Variants in DGKI observed in about 807,000 individuals in gnomAD.
DGKI encodes diacylglycerol kinase iota.
A neutral mutation model predicts 147.5 loss-of-function variants in DGKI; 55 were observed. The observed-to-expected ratio is 0.37, with a 90% CI of 0.30 to 0.47. The LOEUF is 0.47. Ranked by LOEUF, DGKI falls within the 20% of genes least tolerant of loss-of-function variation. The pLI is 1.00. For synonymous variants in DGKI, 469 were observed against 477.1 expected (o/e 0.98, Z 0.22); for missense variants, 1,007 against 1,323.8 (o/e 0.76, Z 3.71).
At chr7:137,839,441 C>A (rs1230995392) in intron 1 of DGKI, among the ~76,000 whole-genome samples, 1 of 152,178 alleles carries the variant, frequency 6.6e-6, no homozygotes, top group Non-Finnish European at 1.5e-5. Context: ...TGTTCCTTAA[C>A]TGGACTTGAG....
intron 28 of DGKI, among the ~76,000 whole-genome samples, chr7:137,419,390 C>A (rs1227230577): frequency 6.6e-6 from 1 of 152,158 alleles, no homozygotes; most frequent in East Asian, 1.9e-4. Flanking sequence ...ATAACTTATA[C>A]CATAGCTGCC....
Position 137,606,772 on chromosome 7 carries a change from A to C in DGKI, c.1167+2194T>G, listed in dbSNP as rs149361988. ...AGACGTGATTCCATAGGATCATTCT[A>C]ATCTTTAATCACATTTCCAATAACT... On this transcript the variant is annotated intron_variant, in intron 10 of 32. Transcript: ENST00000614521. Among the ~76,000 whole-genome samples the C allele has an allele frequency of 3.3e-3, 503 of 152,308 alleles. 3 individuals carry two copies. Among genetic ancestry groups the C allele is most frequent in the Non-Finnish European group, 4.5e-3 (308 of 68,030 alleles).
chr7:137,754,000 A>T (rs887127381), intron 1 of DGKI, among the ~76,000 whole-genome samples: 7 of 152,066 alleles, frequency 4.6e-5, no homozygotes, highest in African/African-American at 1.2e-4. Context: ...GGAGAAGAAG[A>T]AGTAGTAGTT....
At chr7:137,669,058 G>A (rs148990538) in intron 3 of DGKI, among the ~76,000 whole-genome samples, 26 of 152,280 alleles carry the variant, frequency 1.7e-4, no homozygotes, top group African/African-American at 5.8e-4. Flanking sequence ...TAGGCTTAAC[G>A]AGGTTAAAAC....
chr7:137,448,387 AGAG>A (rs1813797093), intron 27 of DGKI, among the ~76,000 whole-genome samples: 1 of 151,702 alleles, frequency 6.6e-6, no homozygotes, highest in African/African-American at 2.4e-5. Flanking sequence ...CAAAAATACC[AGAG>A]GAGAACACAA....
intron 8 of DGKI, among the ~76,000 whole-genome samples, chr7:137,619,361 A>T (rs1820660739): frequency 6.6e-6 from 1 of 152,206 alleles, no homozygotes; most frequent in Admixed American, 6.5e-5. Context: ...AGGCCTGTGT[A>T]TTCAGGAAGG....
At chr7:137,694,873 G>A (rs957153881) in intron 1 of DGKI, among the ~76,000 whole-genome samples, 2 of 152,166 alleles carry the variant, frequency 1.3e-5, no homozygotes, top group Admixed American at 1.3e-4. Flanking sequence ...TCTGATTTAT[G>A]TCAGGGAACA....
At chr7:137,750,588 A>G (rs1795465750) in intron 1 of DGKI, among the ~76,000 whole-genome samples, 1 of 152,132 alleles carries the variant, frequency 6.6e-6, no homozygotes, top group South Asian at 2.1e-4. Context: ...TCTCTCAAAA[A>G]AATTCCTGCT....
chr7:137,804,902 T>A (rs956610398), intron 1 of DGKI, among the ~76,000 whole-genome samples: 9 of 152,230 alleles, frequency 5.9e-5, no homozygotes, highest in East Asian at 5.8e-4. Flanking sequence ...CTTTTTTATG[T>A]TCAACTCAAA....
At chr7:137,844,002 T>C (rs1798636348) in intron 1 of DGKI, among the ~76,000 whole-genome samples, 2 of 152,090 alleles carry the variant, frequency 1.3e-5, no homozygotes, top group Non-Finnish European at 2.9e-5. Flanking sequence ...CTCCTCTCCA[T>C]AAGCTCCCAC....
chr7:137,752,344 G>A (rs761757365), intron 1 of DGKI, among the ~76,000 whole-genome samples: 2 of 151,988 alleles, frequency 1.3e-5, no homozygotes, highest in African/African-American at 2.4e-5. Flanking sequence ...AGTCTACAAA[G>A]AGGGAAAAGG....
At chr7:137,836,992 G>A (rs766609126) in intron 1 of DGKI, among the ~76,000 whole-genome samples, 4 of 152,176 alleles carry the variant, frequency 2.6e-5, no homozygotes, top group Non-Finnish European at 5.9e-5. Flanking sequence ...CACACAGAGA[G>A]GGTAATGGGA....
At chr7:137,845,134 G>A (rs939124409) in intron 1 of DGKI, among the ~76,000 whole-genome samples, 1 of 152,200 alleles carries the variant, frequency 6.6e-6, no homozygotes, top group Non-Finnish European at 1.5e-5. Flanking sequence ...CTCCCTCAGC[G>A]CACAGCGAAC....
chr7:137,827,801 T>C (rs1798103811), intron 1 of DGKI, among the ~76,000 whole-genome samples: 2 of 152,252 alleles, frequency 1.3e-5, no homozygotes, highest in Non-Finnish European at 1.5e-5. Context: ...ATGATCTACT[T>C]TGAGAGCTTT....
At chr7:137,441,545 A>G (rs1813509242) in intron 28 of DGKI, among the ~76,000 whole-genome samples, 1 of 152,298 alleles carries the variant, frequency 6.6e-6, no homozygotes, top group Admixed American at 6.5e-5. Context: ...GGAAAAGAAA[A>G]CAAACAAGAT....
rs565840671 is a variant in DGKI, at chr7:137,382,227, A to G, written c.*8993T>C. On this transcript the variant is annotated 3_prime_UTR_variant, in exon 33 of 33. Transcript: ENST00000614521. ...AAGAGTAAAGACAATTTGTAAACAT[A>G]TATCTATCATTTTTAAGAGGAAAAT... 6.6e-6 allele frequency: 1 copy of G among 152,124 alleles called. No homozygotes were observed. Among genetic ancestry groups the G allele is most frequent in the Non-Finnish European group, 1.5e-5 (1 of 67,998 alleles). The allele number at this position is 152,124 out of a possible 1,614,324, so 9.4% of individuals were successfully genotyped here.
intron 19 of DGKI, among the ~76,000 whole-genome samples, chr7:137,559,148 T>C (rs1185245916): frequency 2.4e-5 from 3 of 126,780 alleles, no homozygotes; most frequent in African/African-American, 9.3e-5. Flanking sequence ...CTCGGCTCAC[T>C]GCAAGCTCCG....
At position 137,815,296 on chromosome 7, in the gene DGKI, T is replaced by C. The variant is rs143729471; in HGVS notation, c.401+31166A>G. On this transcript the variant is annotated intron_variant, in intron 1 of 32. Coordinates refer to ENST00000614521, the MANE Select transcript of DGKI (RefSeq NM_001321708.2). ...CCATATGTGAAGCCAACATGGCTGG[T>C]CATTCTCAGAAAATCATCTTATTTG... 7.6e-3 allele frequency among the ~76,000 whole-genome samples: 1,160 copies of C among 152,242 alleles called. 11 individuals carry two copies. Among genetic ancestry groups the C allele is most frequent in the African/African-American group, 0.024 (1,006 of 41,552 alleles).
intron 1 of DGKI, among the ~76,000 whole-genome samples, chr7:137,692,018 G>A (rs780513926): frequency 2.0e-5 from 3 of 151,894 alleles, no homozygotes; most frequent in African/African-American, 4.8e-5. Context: ...CAATATTCTC[G>A]TTCCTCACTT....
Sources: allele counts gnomAD v4.1 joint callset (sites outside exome capture counted in the v4.1 genomes callset), GRCh38; gene constraint gnomAD v4.1.1; transcripts MANE v1.5; gene names NCBI Gene and HGNC (gene_info 2026-07-23, HGNC 2026-07-21).